Variants in SPRYD3 observed in about 807,000 individuals in gnomAD.
SPRYD3 encodes the protein SPRY domain containing 3.
Under a neutral mutation model 50.1 loss-of-function variants are expected in SPRYD3, and 17 were observed. That is an observed-to-expected ratio of 0.34 (90% CI 0.23 to 0.51). SPRYD3 has a LOEUF of 0.51. Ranked by LOEUF, SPRYD3 falls within the 20% of genes least tolerant of loss-of-function variation. SPRYD3 has a pLI of 0.97. For synonymous variants in SPRYD3, 198 were observed against 215.5 expected (o/e 0.92, Z 0.71); for missense variants, 401 against 591.2 (o/e 0.68, Z 3.34).
At position 53,066,498 on chromosome 12, in the gene SPRYD3, G is replaced by A. The variant is rs764735147; in HGVS notation, c.1022-12C>T. The A allele has an allele frequency of 6.2e-7, 1 of 1,613,982 alleles. No homozygotes were observed. ...GTCATCACTGTCCCCTAGGAGACCAGGAAACCTGAGCTCCTGTGGTGCCTT... is the reference window on the plus strand; with the variant it reads ...GTCATCACTGTCCCCTAGGAGACCAAGAAACCTGAGCTCCTGTGGTGCCTT... On this transcript the variant is annotated splice_polypyrimidine_tract_variant and intron_variant, in intron 9 of 10. Transcript: ENST00000301463.
chr12:53,071,105 C>G (rs1310200444), intron 6 of SPRYD3, among the ~76,000 whole-genome samples: 1 of 152,172 alleles, frequency 6.6e-6, no homozygotes, highest in East Asian at 1.9e-4. Flanking sequence ...ACCCTAATCC[C>G]TCTTGACAGG....
chr12:53,074,830 A>G lies in SPRYD3; in HGVS notation c.372-46T>C, dbSNP rs761890042. 6.2e-6 allele frequency: 10 copies of G among 1,608,182 alleles called. No homozygotes were observed. Among genetic ancestry groups the G allele is most frequent in the Non-Finnish European group, 8.5e-6 (10 of 1,175,608 alleles). On this transcript the variant is annotated intron_variant, in intron 4 of 10. Coordinates refer to ENST00000301463, the MANE Select transcript of SPRYD3 (RefSeq NM_032840.3). This position sits in a 1 kb window ranked among gnomAD's most constrained non-coding sequence, Gnocchi z 4.6. ...ACACAGGACCCGAGCCTGGCCTCCC[A>G]ACTTCTCCCCAGCACTGACAGCAGA...
rs758900368 is a variant in SPRYD3, at chr12:53,066,597, G to A, written c.997C>T (p.Arg333Trp). ...DIMGCGIMFPRDYILDSEGDS... is the reference protein window; with the variant it reads ...DIMGCGIMFPWDYILDSEGDS... ...CCCTCACTGTCCAAAATGTAGTCCC[G>A]GGGGAACATGATTCCACAGCCCATG... Residue 333 changes from arginine (R) to tryptophan (W), a missense_variant, in exon 9 of 11, where the codon CGG becomes TGG. Transcript: ENST00000301463. The A allele has an allele frequency of 3.1e-6, 5 of 1,613,796 alleles. No homozygotes were observed. Among genetic ancestry groups the A allele is most frequent in the South Asian group, 2.2e-5 (2 of 91,038 alleles).
Position 53,074,992 on chromosome 12 carries a change from T to C in SPRYD3, c.371+103A>G, listed in dbSNP as rs1015366400. Reference sequence around the variant, plus strand: ...CACTTCCCTGTCCTGACCAGAAAAGTCTATGAAACACCCAATGGGAAAAGC... The same window carrying C: ...CACTTCCCTGTCCTGACCAGAAAAGCCTATGAAACACCCAATGGGAAAAGC... On this transcript the variant is annotated intron_variant, in intron 4 of 10. Coordinates refer to ENST00000301463, the MANE Select transcript of SPRYD3 (RefSeq NM_032840.3). This position sits in a 1 kb window ranked among gnomAD's most constrained non-coding sequence, Gnocchi z 4.6. 6.6e-7 allele frequency: 1 copy of C among 1,511,770 alleles called. No individual in the cohort carries two copies. Among genetic ancestry groups the C allele is most frequent in the Non-Finnish European group, 9.1e-7 (1 of 1,098,146 alleles). 93.6% of individuals were successfully genotyped at this position (1,511,770 alleles called of 1,614,324 possible). A position where few individuals can be genotyped will look rare whatever the true frequency, so the allele number is the denominator to read the frequency against.
Position 53,077,176 on chromosome 12 carries a change from C to T in SPRYD3, c.109G>A (p.Val37Ile). 1.2e-6 allele frequency: 2 copies of T among 1,614,222 alleles called. No individual in the cohort carries two copies. The highest frequency in any genetic ancestry group is 1.7e-6 in the Non-Finnish European group (2 of 1,180,024). ...CTCTCCTGATATCGGAAAGCTCGGA[C>T]CTCTCGAATCTCCCGGATCCGCCGG... is the stretch of plus-strand genomic sequence containing the variant. ...WRRRIREIRE[V>I]RAFRYQERFK... is the part of the protein sequence containing the mutation. Residue 37 changes from valine to isoleucine, a missense_variant, in exon 2 of 11, where the codon GTC (valine) becomes ATC (isoleucine). Coordinates refer to ENST00000301463, the MANE Select transcript of SPRYD3 (RefSeq NM_032840.3).
chr12:53,073,256 G>GCCCCCGGGGGGGGGGGGGGGCCCCC, intron 6 of SPRYD3, 30 bp downstream of exon 6: 1 of 424,134 alleles, frequency 2.4e-6, no homozygotes. Context: ...CTCCGACCCA[G>GCCCCCGGGGGGGGGGGGGGGCCCCC]CCCCTCCCAC....
At chr12:53,067,978 C>T (rs1944522067) in intron 7 of SPRYD3, among the ~76,000 whole-genome samples, 177 bp downstream of exon 7, 1 of 152,080 alleles carries the variant, frequency 6.6e-6, no homozygotes, top group South Asian at 2.1e-4. Context: ...GGTCCTTGGT[C>T]ACATGGGGTG....
chr12:53,073,881 T>C (rs898696482), intron 5 of SPRYD3, among the ~76,000 whole-genome samples: 4 of 145,632 alleles, frequency 2.7e-5, no homozygotes, highest in African/African-American at 1.0e-4. Flanking sequence ...CCAATAATTA[T>C]CACACACACT....
At position 53,079,366 on chromosome 12, in the gene SPRYD3, T is replaced by A. The variant is rs1453045564; in HGVS notation, c.-33A>T. 1 of 1,598,044 alleles carries A rather than the reference T, an allele frequency of 6.3e-7. No homozygotes were observed. Among genetic ancestry groups the A allele is most frequent in the Admixed American group, 1.7e-5 (1 of 58,538 alleles). ...CCTCTCAGCTCCGCACACAAGCTCTTCGGCCGCCGCCACCACACACATCCG... is the reference window on the plus strand; with the variant it reads ...CCTCTCAGCTCCGCACACAAGCTCTACGGCCGCCGCCACCACACACATCCG... On this transcript the variant is annotated 5_prime_UTR_variant, in exon 1 of 11. Transcript: ENST00000301463.
chr12:53,071,680 T>G, intron 6 of SPRYD3, among the ~76,000 whole-genome samples: 1 of 136,764 alleles, frequency 7.3e-6, no homozygotes, highest in South Asian at 2.2e-4. Context: ...GAGGCTGAAG[T>G]GAACCAGCAC....
At chr12:53,067,556 C>T in intron 8 of SPRYD3, 92 bp downstream of exon 8, 1 of 1,256,790 alleles carries the variant, frequency 8.0e-7, no homozygotes, top group Non-Finnish European at 1.2e-6. Flanking sequence ...ACAGCAAGGC[C>T]ATTTGTGAGG....
chr12:53,072,420 G>A (rs2121203556), intron 6 of SPRYD3, among the ~76,000 whole-genome samples: 1 of 152,330 alleles, frequency 6.6e-6, no homozygotes, highest in South Asian at 2.1e-4. Flanking sequence ...AACAGCCTGG[G>A]TTGGGGTGGA....
chr12:53,079,243 C>A, intron 1 of SPRYD3, 68 bp downstream of exon 1: 4 of 1,524,620 alleles, frequency 2.6e-6, no homozygotes, highest in Non-Finnish European at 2.7e-6. Flanking sequence ...GCCCAGGACC[C>A]CCGCCTTCCG....
chr12:53,075,010 G>A, intron 4 of SPRYD3, 85 bp downstream of exon 4: 1 of 1,565,242 alleles, frequency 6.4e-7, no homozygotes, highest in Middle Eastern at 1.7e-4. Flanking sequence ...ACACCCAATG[G>A]GAAAAGCCAG....
chr12:53,073,256 G>GT, intron 6 of SPRYD3, 30 bp downstream of exon 6: 1 of 424,134 alleles, frequency 2.4e-6, no homozygotes, highest in South Asian at 4.4e-5. Flanking sequence ...CTCCGACCCA[G>GT]CCCCTCCCAC....
At position 53,065,797 on chromosome 12, in the gene SPRYD3, G is replaced by A; in HGVS notation, c.*35C>T. 6.3e-7 allele frequency: 1 copy of A among 1,595,422 alleles called. No individual in the cohort carries two copies. The highest frequency in any genetic ancestry group is 8.6e-7 in the Non-Finnish European group (1 of 1,167,830). On this transcript the variant is annotated 3_prime_UTR_variant, in exon 11 of 11. Transcript: ENST00000301463. ...CTGGGTGCCTGGCCCAGCAGAGGGT[G>A]AGCAGGGAGAAGGAGCAGGTCTGGA...
intron 3 of SPRYD3, among the ~76,000 whole-genome samples, 193 bp from the exon 4 acceptor site, chr12:53,075,412 T>C (rs1368591176): frequency 1.3e-5 from 2 of 152,106 alleles, no homozygotes; most frequent in African/African-American, 4.8e-5. Flanking sequence ...CTTAGAAAAT[T>C]ACTCCAAAGC....
At chr12:53,066,149 A>G (rs1944503881) in intron 10 of SPRYD3, among the ~76,000 whole-genome samples, 165 bp downstream of exon 10, 2 of 152,144 alleles carry the variant, frequency 1.3e-5, no homozygotes, top group Non-Finnish European at 2.9e-5. Flanking sequence ...CAGCCTCCCA[A>G]GACCGTCTCC....
intron 6 of SPRYD3, among the ~76,000 whole-genome samples, chr12:53,071,437 G>C (rs1944548942): frequency 6.6e-6 from 1 of 152,198 alleles, no homozygotes; most frequent in African/African-American, 2.4e-5. Context: ...GAGGTGAGAG[G>C]CAAGTGCCCC....
Sources: gnomAD v4.1 joint callset for allele counts (sites outside exome capture counted in the v4.1 genomes callset) on GRCh38, gnomAD v4.1.1 for gene constraint, Gnocchi (gnomAD v3.1) non-coding constraint, MANE v1.5 for transcripts, NCBI Gene and HGNC (gene_info 2026-07-23, HGNC 2026-07-21) for gene names.